EFNA5: variants seen among roughly 807,000 people sequenced by gnomAD.
EFNA5 encodes the protein ephrin A5.
A neutral mutation model predicts 22.9 loss-of-function variants in EFNA5; 5 were observed. That is an observed-to-expected ratio of 0.22 (90% CI 0.11 to 0.46). The LOEUF (loss-of-function observed/expected upper bound fraction) is 0.46, where lower values mean the gene tolerates loss of function less well. Ranked by LOEUF, EFNA5 falls within the 20% of genes least tolerant of loss-of-function variation. The pLI, the probability that EFNA5 is intolerant of heterozygous loss-of-function variation, is 0.99. For synonymous variants in EFNA5, 113 were observed against 112.2 expected (o/e 1.01, Z -0.04); for missense variants, 237 against 293.3 (o/e 0.81, Z 1.40).
At chr5:107,436,917 T>A (rs1403615730) in intron 1 of EFNA5, among the ~76,000 whole-genome samples, 1 of 151,070 alleles carries the variant, frequency 6.6e-6, no homozygotes, top group Non-Finnish European at 1.5e-5. Context: ...GTTTCAAAAA[T>A]AATAATAATA....
intron 1 of EFNA5, among the ~76,000 whole-genome samples, chr5:107,474,687 C>T (rs1175447902): frequency 6.6e-6 from 1 of 152,064 alleles, no homozygotes. Flanking sequence ...TATGTCAGGC[C>T]TGTTGGTATC....
intron 1 of EFNA5, among the ~76,000 whole-genome samples, chr5:107,641,491 A>G (rs1209497997): frequency 1.3e-5 from 2 of 152,180 alleles, no homozygotes; most frequent in African/African-American, 4.8e-5. Context: ...GTTTCAGGAA[A>G]TCACTGTATG....
At chr5:107,498,912 C>T (rs1166233180) in intron 1 of EFNA5, among the ~76,000 whole-genome samples, 1 of 151,862 alleles carries the variant, frequency 6.6e-6, no homozygotes, top group Non-Finnish European at 1.5e-5. Context: ...TATAGTTTCC[C>T]CAGGTTGTGT....
chr5:107,545,820 G>A (rs936468826), intron 1 of EFNA5, among the ~76,000 whole-genome samples: 1 of 152,180 alleles, frequency 6.6e-6, no homozygotes, highest in Non-Finnish European at 1.5e-5. Context: ...CAAACTTTTG[G>A]AAAGCCATTC....
At chr5:107,591,955 TATA>T (rs1749357310) in intron 1 of EFNA5, among the ~76,000 whole-genome samples, 1 of 21,620 alleles carries the variant, frequency 4.6e-5, no homozygotes, top group African/African-American at 2.5e-4. Flanking sequence ...ATATATAATA[TATA>T]ATATATATAA....
At position 107,381,072 on chromosome 5, in the gene EFNA5, G is replaced by T. The variant is rs556003756; in HGVS notation, c.*183C>A. ...GGGGCGGGGTGGGGTGAGGGAGGCAGGAACAAGTTTAGGCCCCCAACCTGA... is the reference window on the plus strand; with the variant it reads ...GGGGCGGGGTGGGGTGAGGGAGGCATGAACAAGTTTAGGCCCCCAACCTGA... On this transcript the variant is annotated 3_prime_UTR_variant, in exon 5 of 5. Transcript: ENST00000333274. 1,354 of 837,892 alleles carry T rather than the reference G, an allele frequency of 1.6e-3. 4 individuals carry two copies. The highest frequency in any genetic ancestry group is 1.1e-3 in the Non-Finnish European group (649 of 575,256). 51.9% of individuals were successfully genotyped at this position (837,892 alleles called of 1,614,324 possible).
intron 1 of EFNA5, among the ~76,000 whole-genome samples, chr5:107,527,461 A>AT (rs796188057): frequency 2.6e-5 from 4 of 151,610 alleles, no homozygotes; most frequent in African/African-American, 9.7e-5. Context: ...TAATTTTTGT[A>AT]TTTTTAGTAG....
At chr5:107,614,823 A>G (rs975250552) in intron 1 of EFNA5, among the ~76,000 whole-genome samples, 1 of 152,248 alleles carries the variant, frequency 6.6e-6, no homozygotes, top group African/African-American at 2.4e-5. Flanking sequence ...TTAAGAAGTT[A>G]TGATAATATA....
At chr5:107,410,253 A>T (rs1249038092) in intron 2 of EFNA5, among the ~76,000 whole-genome samples, 2 of 151,968 alleles carry the variant, frequency 1.3e-5, no homozygotes, top group Non-Finnish European at 2.9e-5. Context: ...GATGGTCTCG[A>T]TCTCCTGATC....
intron 1 of EFNA5, among the ~76,000 whole-genome samples, chr5:107,487,192 C>T (rs1746654307): frequency 1.3e-5 from 2 of 152,300 alleles, no homozygotes; most frequent in South Asian, 2.1e-4. Flanking sequence ...CCTCCATGAA[C>T]TGGGACACAC....
intron 1 of EFNA5, among the ~76,000 whole-genome samples, chr5:107,666,682 A>T (rs553652573): frequency 6.6e-6 from 1 of 152,132 alleles, no homozygotes; most frequent in African/African-American, 2.4e-5. Flanking sequence ...TGTGTTGGTC[A>T]TATTTGCTGC....
Position 107,670,661 on chromosome 5 carries a change from A to C in EFNA5, c.-48T>G. ...CCCCGACGCGCCACTCCGGGGAGAG[A>C]GCGGGGATCCGGAGGGAGGGAGGCA... is the stretch of plus-strand genomic sequence containing the variant. On this transcript the variant is annotated 5_prime_UTR_variant, in exon 1 of 5. Coordinates refer to ENST00000333274, the MANE Select transcript of EFNA5 (RefSeq NM_001962.3). 6.3e-7 allele frequency: 1 copy of C among 1,583,190 alleles called. No homozygotes were observed. The highest frequency in any genetic ancestry group is 1.4e-5 in the African/African-American group (1 of 73,854).
intron 1 of EFNA5, among the ~76,000 whole-genome samples, chr5:107,637,668 ATATATATAC>A (rs1750406925): frequency 6.7e-6 from 1 of 149,148 alleles, no homozygotes; most frequent in Admixed American, 6.7e-5. Flanking sequence ...TAAACTGATT[ATATATATAC>A]TATATATAAT....
At chr5:107,394,065 A>G (rs1747856006) in intron 2 of EFNA5, among the ~76,000 whole-genome samples, 1 of 152,198 alleles carries the variant, frequency 6.6e-6, no homozygotes, top group African/African-American at 2.4e-5. Flanking sequence ...CCCTTTTTTA[A>G]AAGCATTTTC....
chr5:107,448,284 T>C (rs1749450295), intron 1 of EFNA5, among the ~76,000 whole-genome samples: 1 of 152,220 alleles, frequency 6.6e-6, no homozygotes, highest in Admixed American at 6.5e-5. Context: ...CAGCTGAGAA[T>C]TCCTTACTCC....
intron 1 of EFNA5, among the ~76,000 whole-genome samples, chr5:107,607,140 G>C (rs1358438558): frequency 6.6e-6 from 1 of 152,188 alleles, no homozygotes. Context: ...TGCCACTGCA[G>C]TGAAAGCCAA....
intron 1 of EFNA5, among the ~76,000 whole-genome samples, chr5:107,595,474 TCAC>T (rs200935464): frequency 0.032 from 3,481 of 108,300 alleles, 63 homozygotes; most frequent in Non-Finnish European, 0.045. Flanking sequence ...TTGTTATATA[TCAC>T]CACATTTTTT....
At chr5:107,616,320 T>G (rs1349952653) in intron 1 of EFNA5, among the ~76,000 whole-genome samples, 5 of 152,286 alleles carry the variant, frequency 3.3e-5, no homozygotes, top group Non-Finnish European at 7.4e-5. Context: ...GAATATAATA[T>G]AGAGGGGATG....
At chr5:107,400,249 T>C (rs1325490838) in intron 2 of EFNA5, among the ~76,000 whole-genome samples, 1 of 150,556 alleles carries the variant, frequency 6.6e-6, no homozygotes, top group African/African-American at 2.5e-5. Context: ...CTAATCTGAA[T>C]AGGCTAAATT....
Sources: allele counts gnomAD v4.1 joint callset (sites outside exome capture counted in the v4.1 genomes callset), GRCh38; gene constraint gnomAD v4.1.1; transcripts MANE v1.5; gene names NCBI Gene and HGNC (gene_info 2026-07-23, HGNC 2026-07-21).